Variants in SPTSSA observed in about 807,000 individuals in gnomAD.
SPTSSA encodes small subunit of serine palmitoyltransferase A.
A neutral mutation model predicts 9.1 loss-of-function variants in SPTSSA; 8 were observed. The ratio of observed to expected loss-of-function variants is 0.88; its 90% CI spans 0.51 to 1.58. The LOEUF (loss-of-function observed/expected upper bound fraction) is 1.58, where lower values mean the gene tolerates loss of function less well. Ranked by LOEUF, SPTSSA falls within the 40% of genes most tolerant of loss-of-function variation. The pLI is 0.00. For synonymous variants in SPTSSA, 42 were observed against 37.7 expected (o/e 1.11, Z -0.41); for missense variants, 100 against 93.8 (o/e 1.07, Z -0.27).
At chr14:34,453,606 T>G (rs1462556872) in intron 1 of SPTSSA, among the ~76,000 whole-genome samples, 2 of 152,236 alleles carry the variant, frequency 1.3e-5, no homozygotes, top group Admixed American at 1.3e-4. Flanking sequence ...AGTATTGTGT[T>G]TGTTAGTGCT....
chr14:34,443,627 C>A (rs1883369808), intron 1 of SPTSSA, among the ~76,000 whole-genome samples: 1 of 150,582 alleles, frequency 6.6e-6, no homozygotes, highest in Non-Finnish European at 1.5e-5. Context: ...CCTCTGCCTC[C>A]CAGGTTCAAG....
At chr14:34,441,314 AACTTT>A (rs983720889) in intron 1 of SPTSSA, among the ~76,000 whole-genome samples, 6 of 152,206 alleles carry the variant, frequency 3.9e-5, no homozygotes, top group Non-Finnish European at 8.8e-5. Flanking sequence ...AACACTTTGT[AACTTT>A]ACTTCATCCT....
At chr14:34,447,346 ACTCCGAACT>A (rs1322998515) in intron 1 of SPTSSA, among the ~76,000 whole-genome samples, 12 of 151,794 alleles carry the variant, frequency 7.9e-5, no homozygotes, top group Admixed American at 2.0e-4. Flanking sequence ...TAAGGAGCAT[ACTCCGAACT>A]CTTGGTATTA....
At chr14:34,442,398 T>C (rs981364324) in intron 1 of SPTSSA, among the ~76,000 whole-genome samples, 2 of 152,206 alleles carry the variant, frequency 1.3e-5, no homozygotes, top group Non-Finnish European at 1.5e-5. Flanking sequence ...CTAAAGCTCA[T>C]AGTAGGCTCT....
rs532048942 is a variant in SPTSSA at position 34,434,574 on chromosome 14, C to T, written c.*627G>A. ...AAAGGTGAAATGTTCCTTATTTTAACTTTAGCAAGATCTTTTCTTTTTCAT... is the reference window on the plus strand; with the variant it reads ...AAAGGTGAAATGTTCCTTATTTTAATTTTAGCAAGATCTTTTCTTTTTCAT... On this transcript the variant is annotated 3_prime_UTR_variant, in exon 2 of 2. Coordinates refer to ENST00000298130, the MANE Select transcript of SPTSSA (RefSeq NM_138288.4). 1 of 152,702 alleles carries T rather than the reference C, an allele frequency of 6.5e-6. No homozygotes were observed. The highest frequency in any genetic ancestry group is 6.5e-5 in the Admixed American group (1 of 15,282). 9.5% of individuals were successfully genotyped at this position (152,702 alleles called of 1,614,324 possible).
chr14:34,452,301 T>G (rs1883544001), intron 1 of SPTSSA, among the ~76,000 whole-genome samples: 1 of 152,000 alleles, frequency 6.6e-6, no homozygotes, highest in African/African-American at 2.4e-5. Flanking sequence ...CAACTATCTC[T>G]TGATACTTTT....
intron 1 of SPTSSA, among the ~76,000 whole-genome samples, chr14:34,459,257 ACCACCCCACCC>A (rs1394362177): frequency 1.8e-4 from 27 of 150,302 alleles, no homozygotes; most frequent in Admixed American, 3.3e-4. Flanking sequence ...ACATGGTAAA[ACCACCCCACCC>A]CCACCCCACC....
chr14:34,441,979 A>G (rs1883324020), intron 1 of SPTSSA, among the ~76,000 whole-genome samples: 2 of 152,034 alleles, frequency 1.3e-5, no homozygotes, highest in Non-Finnish European at 2.9e-5. Flanking sequence ...GGGTTCAAGC[A>G]GTTCTCCTGC....
At chr14:34,446,404 C>A (rs1270777612) in intron 1 of SPTSSA, among the ~76,000 whole-genome samples, 2 of 152,144 alleles carry the variant, frequency 1.3e-5, no homozygotes, top group East Asian at 1.9e-4. Context: ...TACATCTCTA[C>A]AAACAATAGA....
intron 1 of SPTSSA, among the ~76,000 whole-genome samples, chr14:34,451,565 T>C (rs1479647346): frequency 2.6e-5 from 4 of 151,700 alleles, no homozygotes; most frequent in Non-Finnish European, 5.9e-5. Context: ...CTACTAAAAA[T>C]ACAAAAAATT....
chr14:34,441,515 A>C (rs564770679), intron 1 of SPTSSA, among the ~76,000 whole-genome samples: 8 of 152,308 alleles, frequency 5.3e-5, no homozygotes, highest in Admixed American at 3.9e-4. Flanking sequence ...CATTTTGACC[A>C]ATTCTTTGTT....
intron 1 of SPTSSA, among the ~76,000 whole-genome samples, chr14:34,448,049 G>GA (rs1883453412): frequency 6.6e-6 from 1 of 152,112 alleles, no homozygotes; most frequent in African/African-American, 2.4e-5. Flanking sequence ...GAGGTCAGGA[G>GA]TTCAAGACCA....
intron 1 of SPTSSA, among the ~76,000 whole-genome samples, chr14:34,460,458 C>G (rs953938602): frequency 6.6e-6 from 1 of 152,040 alleles, no homozygotes; most frequent in Non-Finnish European, 1.5e-5. Context: ...ATTTCTCCAT[C>G]CCCCAAAAAA....
chr14:34,444,016 CA>C (rs1883377663), intron 1 of SPTSSA, among the ~76,000 whole-genome samples: 1 of 152,168 alleles, frequency 6.6e-6, no homozygotes, highest in African/African-American at 2.4e-5. Context: ...GGCATGCCAG[CA>C]AAAGGGTAAG....
Position 34,434,354 on chromosome 14 carries a change from C to T in SPTSSA, c.*847G>A, listed in dbSNP as rs1293425241. ...AACTTAATGCAATGTGCAAATGCAG[C>T]ACCCATTACAATCATTAAACTAAAT... On this transcript the variant is annotated 3_prime_UTR_variant, in exon 2 of 2. Coordinates refer to ENST00000298130, the MANE Select transcript of SPTSSA (RefSeq NM_138288.4). The T allele has an allele frequency of 1.3e-5, 2 of 152,600 alleles. No homozygotes were observed. Among genetic ancestry groups the T allele is most frequent in the Admixed American group, 6.5e-5 (1 of 15,274 alleles). The allele number at this position is 152,600 out of a possible 1,614,324, so 9.5% of individuals were successfully genotyped here. A position where few individuals can be genotyped will look rare whatever the true frequency, so the allele number is the denominator to read the frequency against.
chr14:34,459,707 G>A (rs1030945376), intron 1 of SPTSSA, among the ~76,000 whole-genome samples: 18 of 152,064 alleles, frequency 1.2e-4, no homozygotes, highest in Non-Finnish European at 2.5e-4. Flanking sequence ...CTTGAACCTG[G>A]GAGGCGGAGG....
At chr14:34,459,086 A>T (rs1278637000) in intron 1 of SPTSSA, among the ~76,000 whole-genome samples, 1 of 151,956 alleles carries the variant, frequency 6.6e-6, no homozygotes, top group East Asian at 1.9e-4. Flanking sequence ...TCAAATTTTT[A>T]AAAATGCATT....
intron 1 of SPTSSA, among the ~76,000 whole-genome samples, chr14:34,461,759 G>A (rs1474535718): frequency 6.6e-6 from 1 of 152,178 alleles, no homozygotes; most frequent in African/African-American, 2.4e-5. Context: ...AGGAACAGGG[G>A]ACTGAACCAA....
rs146976007 is a variant in SPTSSA, at chr14:34,450,647, T to C, written c.112+11449A>G. Among the ~76,000 whole-genome samples the C allele has an allele frequency of 7.3e-3, 1,104 of 152,252 alleles. 17 individuals are homozygous for C. Among genetic ancestry groups the C allele is most frequent in the African/African-American group, 0.025 (1,048 of 41,534 alleles). On this transcript the variant is annotated intron_variant, in intron 1 of 1. Transcript: ENST00000298130. ...ACCTCAAAAACTAAAAAATGGGCTG[T>C]TCTGTTTTGTGTTTATAACTTGTCT... is the stretch of plus-strand genomic sequence containing the variant.
Sources: allele counts gnomAD v4.1 joint callset (sites outside exome capture counted in the v4.1 genomes callset), GRCh38; gene constraint gnomAD v4.1.1; transcripts MANE v1.5; gene names NCBI Gene and HGNC (gene_info 2026-07-23, HGNC 2026-07-21).